Variants in ESRRG observed in about 807,000 individuals in gnomAD.
ESRRG encodes estrogen-related receptor gamma.
Under a neutral mutation model 44.0 loss-of-function variants are expected in ESRRG, and 13 were observed. The observed-to-expected ratio is 0.30, with a 90% CI of 0.19 to 0.47. The LOEUF is 0.47. ESRRG is among the 20% of genes least tolerant of loss of function. The pLI is 1.00. For synonymous variants in ESRRG, 215 were observed against 214.6 expected, an observed-to-expected ratio of 1.00 and a Z score of -0.02; for missense variants, 395 against 580.6, an observed-to-expected ratio of 0.68 and a Z score of 3.29.
At chr1:216,888,849 C>G (rs1170670576) in intron 2 of ESRRG, among the ~76,000 whole-genome samples, 2 of 152,054 alleles carry the variant, frequency 1.3e-5, no homozygotes, top group Non-Finnish European at 2.9e-5. Flanking sequence ...AGATATGATC[C>G]CCAGCCACTG....
chr1:216,855,739 C>A (rs752160632), intron 2 of ESRRG, among the ~76,000 whole-genome samples: 1 of 152,110 alleles, frequency 6.6e-6, no homozygotes, highest in Non-Finnish European at 1.5e-5. Flanking sequence ...ACCTGGGAAC[C>A]AACGAGATAA....
intron 5 of ESRRG, among the ~76,000 whole-genome samples, chr1:216,527,283 C>T (rs2047947381): frequency 6.6e-6 from 1 of 152,048 alleles, no homozygotes; most frequent in Admixed American, 6.6e-5. Flanking sequence ...TTGGTTAGGC[C>T]TTCATCATCC....
At chr1:216,712,627 G>C (rs1287485017) in intron 1 of ESRRG, among the ~76,000 whole-genome samples, 1 of 152,184 alleles carries the variant, frequency 6.6e-6, no homozygotes, top group Non-Finnish European at 1.5e-5. Context: ...AGAAAGTGAA[G>C]ACCACCTTAT....
At chr1:217,054,895 C>G (rs1347477008) in intron 1 of ESRRG, among the ~76,000 whole-genome samples, 1 of 152,096 alleles carries the variant, frequency 6.6e-6, no homozygotes, top group African/African-American at 2.4e-5. Flanking sequence ...CATTTCCAGT[C>G]TGAATTTATA....
At chr1:216,547,465 T>C (rs12067809) in intron 5 of ESRRG, among the ~76,000 whole-genome samples, 43,959 of 151,968 alleles carry the variant, frequency 0.29, 7,339 homozygotes, top group Admixed American at 0.39. Flanking sequence ...CTATCAAGTA[T>C]TTAAAACTTA....
At chr1:217,049,974 C>A (rs1005674057) in intron 1 of ESRRG, among the ~76,000 whole-genome samples, 1 of 152,172 alleles carries the variant, frequency 6.6e-6, no homozygotes, top group African/African-American at 2.4e-5. Context: ...ATAAGTACAT[C>A]TATGAACAAG....
chr1:216,854,479 A>G (rs1459512184), intron 2 of ESRRG, among the ~76,000 whole-genome samples: 1 of 152,054 alleles, frequency 6.6e-6, no homozygotes, highest in African/African-American at 2.4e-5. Flanking sequence ...CACGCCTTGA[A>G]GCATCTAACG....
At chr1:216,735,535 A>G (rs1466044016) in intron 2 of ESRRG, among the ~76,000 whole-genome samples, 2 of 152,120 alleles carry the variant, frequency 1.3e-5, no homozygotes, top group African/African-American at 4.8e-5. Flanking sequence ...AAGGTTGTGC[A>G]GCAATGGCAA....
At chr1:217,090,727 G>A (rs114553167), upstream of ESRRG, among the ~76,000 whole-genome samples, 850 of 152,226 alleles carry the variant, frequency 5.6e-3, 7 homozygotes, top group Non-Finnish European at 7.6e-3. Context: ...GGGGGGCTCC[G>A]GGCATCTGGC....
At chr1:217,010,704 C>T (rs941531189) in intron 1 of ESRRG, among the ~76,000 whole-genome samples, 4 of 151,962 alleles carry the variant, frequency 2.6e-5, no homozygotes, top group Non-Finnish European at 2.9e-5. Context: ...AATTTGGCCC[C>T]GTGAAAAGAA....
At chr1:216,700,892 G>C (rs552686120) in intron 1 of ESRRG, among the ~76,000 whole-genome samples, 2 of 152,246 alleles carry the variant, frequency 1.3e-5, no homozygotes, top group Admixed American at 1.3e-4. Flanking sequence ...TTCCCCCTTT[G>C]CTAATTTCAG....
intron 5 of ESRRG, among the ~76,000 whole-genome samples, chr1:216,552,531 C>T (rs547288964): frequency 9.7e-4 from 147 of 152,238 alleles, no homozygotes; most frequent in African/African-American, 3.4e-3. Context: ...GGCACTTGGC[C>T]TGCGTTAGCT....
intron 1 of ESRRG, among the ~76,000 whole-genome samples, chr1:217,025,652 G>A (rs1468924598): frequency 6.6e-6 from 1 of 152,162 alleles, no homozygotes; most frequent in African/African-American, 2.4e-5. Context: ...CTGGCCCCTT[G>A]TCTTTGGCCA....
chr1:216,770,408 G>C (rs2093332941), intron 2 of ESRRG, among the ~76,000 whole-genome samples: 2 of 152,054 alleles, frequency 1.3e-5, no homozygotes, highest in Admixed American at 6.6e-5. Context: ...TTACTCTATA[G>C]ATGTTTGCAT....
intron 1 of ESRRG, among the ~76,000 whole-genome samples, chr1:217,121,709 C>T (rs1443783046): frequency 2.0e-5 from 3 of 152,136 alleles, no homozygotes; most frequent in Non-Finnish European, 4.4e-5. Context: ...AGAAGTTAAC[C>T]TGGGAAGATG....
chr1:216,862,968 G>A (rs1404877814), intron 2 of ESRRG: 1 of 152,096 alleles, frequency 6.6e-6, no homozygotes, highest in African/African-American at 2.4e-5. Context: ...GAATTTAAAA[G>A]TTAATTATTG....
At chr1:216,560,638 T>C (rs552908013) in intron 5 of ESRRG, among the ~76,000 whole-genome samples, 2 of 152,312 alleles carry the variant, frequency 1.3e-5, no homozygotes, top group South Asian at 4.1e-4. Flanking sequence ...AATCGTCTTA[T>C]CACACCCTGT....
At chr1:216,955,184 C>T (rs1204817296) in intron 1 of ESRRG, among the ~76,000 whole-genome samples, 1 of 152,022 alleles carries the variant, frequency 6.6e-6, no homozygotes, top group Admixed American at 6.6e-5. Context: ...ACCAACCTCT[C>T]CCATCCTTCC....
chr1:217,066,925 C>T (rs1006774255), intron 1 of ESRRG, among the ~76,000 whole-genome samples: 2 of 152,154 alleles, frequency 1.3e-5, no homozygotes, highest in Admixed American at 1.3e-4. Context: ...AAATGTGCCT[C>T]GAATGTGAGA....
Sources: allele counts gnomAD v4.1 joint callset (sites outside exome capture counted in the v4.1 genomes callset), GRCh38; gene constraint gnomAD v4.1.1; transcripts MANE v1.5; gene names NCBI Gene and HGNC (gene_info 2026-07-23, HGNC 2026-07-21).